MSRB2: variants seen among roughly 807,000 people sequenced by gnomAD.
MSRB2 encodes methionine sulfoxide reductase B2.
MSRB2 carries 17 observed loss-of-function variants against 19.0 expected under a neutral mutation model. The ratio of observed to expected loss-of-function variants is 0.89; its 90% CI spans 0.61 to 1.34. MSRB2 has a LOEUF of 1.34. MSRB2 is among the 40% of genes most tolerant of loss of function. The pLI is 0.00. For synonymous variants in MSRB2, 107 were observed against 99.7 expected, an observed-to-expected ratio of 1.07 and a Z score of -0.44; for missense variants, 208 against 237.6, an observed-to-expected ratio of 0.88 and a Z score of 0.82.
chr10:23,109,431 T>C (rs779764650), intron 2 of MSRB2, among the ~76,000 whole-genome samples: 4 of 151,540 alleles, frequency 2.6e-5, no homozygotes, highest in Admixed American at 6.6e-5. Context: ...TAGTCCCAGC[T>C]ATTCGGGAGG....
chr10:23,109,884 C>A (rs530127364), intron 2 of MSRB2, among the ~76,000 whole-genome samples: 2 of 152,156 alleles, frequency 1.3e-5, no homozygotes, highest in East Asian at 3.8e-4. Flanking sequence ...GGACTAGATT[C>A]CTGTTGTATT....
intron 1 of MSRB2, 101 bp downstream of exon 1, chr10:23,095,827 C>T: frequency 1.3e-6 from 1 of 773,078 alleles, no homozygotes; most frequent in Non-Finnish European, 1.7e-6. Context: ...CCGGGCGCTG[C>T]CCTCCTACTA....
At chr10:23,102,552 G>A (rs1346853029) in intron 1 of MSRB2, among the ~76,000 whole-genome samples, 1 of 152,144 alleles carries the variant, frequency 6.6e-6, no homozygotes, top group Non-Finnish European at 1.5e-5. Context: ...AAACTTTACT[G>A]GTGATGTTGT....
intron 2 of MSRB2, among the ~76,000 whole-genome samples, chr10:23,107,334 C>T (rs527648822): frequency 6.6e-6 from 1 of 152,218 alleles, no homozygotes; most frequent in Non-Finnish European, 1.5e-5. Context: ...TCTCACCTGC[C>T]TTCCGGCATC....
At chr10:23,110,862 A>T (rs746753924) in intron 3 of MSRB2, among the ~76,000 whole-genome samples, 8 of 152,186 alleles carry the variant, frequency 5.3e-5, no homozygotes, top group Non-Finnish European at 7.3e-5. Flanking sequence ...TTTTAAGTCA[A>T]TCAGGATCTG....
At chr10:23,107,338 C>T (rs554751394) in intron 2 of MSRB2, among the ~76,000 whole-genome samples, 186 of 152,314 alleles carry the variant, frequency 1.2e-3, no homozygotes, top group Non-Finnish European at 7.6e-4. Context: ...ACCTGCCTTC[C>T]GGCATCATCT....
intron 2 of MSRB2, among the ~76,000 whole-genome samples, chr10:23,108,688 C>T (rs1840010693): frequency 6.6e-6 from 1 of 151,886 alleles, no homozygotes; most frequent in African/African-American, 2.4e-5. Flanking sequence ...GTTGGCCAGG[C>T]TGGTCTTGAA....
intron 3 of MSRB2, among the ~76,000 whole-genome samples, chr10:23,110,811 A>C (rs1000661711): frequency 3.3e-5 from 5 of 152,170 alleles, no homozygotes; most frequent in Non-Finnish European, 5.9e-5. Flanking sequence ...TCTTCTATAT[A>C]GCTAAAAGTA....
At chr10:23,097,876 C>T (rs756488232) in intron 1 of MSRB2, among the ~76,000 whole-genome samples, 2 of 151,764 alleles carry the variant, frequency 1.3e-5, no homozygotes, top group Admixed American at 6.6e-5. Flanking sequence ...TCATGGGCTT[C>T]GGGAGTGTTG....
intron 4 of MSRB2, 45 bp downstream of exon 4, chr10:23,119,496 A>G (rs147467791): frequency 2.5e-5 from 40 of 1,596,214 alleles, no homozygotes; most frequent in East Asian, 6.7e-5. Context: ...GCTGCCCCCA[A>G]TGCCACAAAG....
intron 3 of MSRB2, among the ~76,000 whole-genome samples, chr10:23,114,712 C>A (rs538488559): frequency 9.1e-4 from 139 of 152,294 alleles, no homozygotes; most frequent in African/African-American, 3.3e-3. Context: ...CTCGGCAGCT[C>A]CCCGTAGTGT....
intron 3 of MSRB2, among the ~76,000 whole-genome samples, chr10:23,112,565 G>A (rs528111249): frequency 2.0e-5 from 3 of 152,280 alleles, no homozygotes; most frequent in Admixed American, 6.5e-5. Flanking sequence ...GGCACTTGAT[G>A]CAAGTTAGTA....
At chr10:23,095,808 C>A in intron 1 of MSRB2, 82 bp downstream of exon 1, 1 of 958,544 alleles carries the variant, frequency 1.0e-6, no homozygotes, top group Non-Finnish European at 1.4e-6. Context: ...AGCCTAGGGC[C>A]GGTCCAGGCC....
At chr10:23,096,410 G>A (rs924885682) in intron 1 of MSRB2, among the ~76,000 whole-genome samples, 10 of 134,812 alleles carry the variant, frequency 7.4e-5, no homozygotes, top group African/African-American at 2.5e-4. Context: ...CTTGGATCTG[G>A]GTACCTGCAC....
intron 1 of MSRB2, among the ~76,000 whole-genome samples, chr10:23,097,435 G>T (rs1223325175): frequency 5.3e-5 from 8 of 152,178 alleles, no homozygotes; most frequent in African/African-American, 1.4e-4. Flanking sequence ...CCTGCTTCCT[G>T]GCTTGCAGTT....
chr10:23,118,467 T>G (rs1380980510), intron 3 of MSRB2, among the ~76,000 whole-genome samples: 2 of 151,468 alleles, frequency 1.3e-5, no homozygotes, highest in African/African-American at 4.9e-5. Context: ...AGGGAGCTTA[T>G]CCATGAGAGC....
intron 3 of MSRB2, among the ~76,000 whole-genome samples, chr10:23,115,449 C>A (rs1053149756): frequency 6.6e-6 from 1 of 152,144 alleles, no homozygotes; most frequent in Non-Finnish European, 1.5e-5. Flanking sequence ...TTGTTAAAAA[C>A]CTTCTGTATG....
intron 3 of MSRB2, among the ~76,000 whole-genome samples, chr10:23,111,829 A>C (rs1036709913): frequency 2.4e-5 from 2 of 84,162 alleles, no homozygotes; most frequent in East Asian, 2.3e-4. Flanking sequence ...ATTTTAATTA[A>C]TTTAAACTTA....
chr10:23,102,465 C>T (rs1839935585), intron 1 of MSRB2, among the ~76,000 whole-genome samples: 1 of 151,970 alleles, frequency 6.6e-6, no homozygotes, highest in Non-Finnish European at 1.5e-5. Context: ...GACAGTCCTT[C>T]TTTTGAATAA....
Sources: gnomAD v4.1 joint callset for allele counts (sites outside exome capture counted in the v4.1 genomes callset) on GRCh38, gnomAD v4.1.1 for gene constraint, MANE v1.5 for transcripts, NCBI Gene and HGNC (gene_info 2026-07-23, HGNC 2026-07-21) for gene names.